Variants in CHAF1B observed in about 807,000 individuals in gnomAD.
CHAF1B encodes the protein chromatin assembly factor 1 subunit B.
CHAF1B carries 10 observed loss-of-function variants against 60.7 expected under a neutral mutation model. That is an observed-to-expected ratio of 0.16 (90% CI 0.10 to 0.28). The LOEUF (loss-of-function observed/expected upper bound fraction) is 0.28, where lower values mean the gene tolerates loss of function less well. Ranked by LOEUF, CHAF1B falls within the 10% of genes least tolerant of loss-of-function variation. The pLI is 1.00. For synonymous variants in CHAF1B, 261 were observed against 266.1 expected, an observed-to-expected ratio of 0.98 and a Z score of 0.19; for missense variants, 558 against 708.4, an observed-to-expected ratio of 0.79 and a Z score of 2.41.
At position 36,413,408 on chromosome 21, in the gene CHAF1B, G is replaced by A. The variant is rs529812113; in HGVS notation, c.1493+93G>A. ...CCTGCTGCAGGTGAAATTTCAGGCGGTGAATGCTTCATGCCAGTAGGTTGC... is the reference window on the plus strand; with the variant it reads ...CCTGCTGCAGGTGAAATTTCAGGCGATGAATGCTTCATGCCAGTAGGTTGC... On this transcript the variant is annotated intron_variant, in intron 12 of 13. Coordinates refer to ENST00000314103, the MANE Select transcript of CHAF1B (RefSeq NM_005441.3). 586 of 1,243,220 alleles carry A rather than the reference G, an allele frequency of 4.7e-4. 1 individual carries two copies. Among genetic ancestry groups the A allele is most frequent in the Non-Finnish European group, 4.4e-4 (403 of 910,410 alleles). 77.0% of individuals were successfully genotyped at this position (1,243,220 alleles called of 1,614,324 possible).
At position 36,415,392 on chromosome 21, in the gene CHAF1B, A is replaced by G. The variant is rs548334311; in HGVS notation, c.1588+3A>G. On this transcript the variant is annotated splice_donor_region_variant and intron_variant, in intron 13 of 13. Coordinates refer to ENST00000314103, the MANE Select transcript of CHAF1B (RefSeq NM_005441.3). ...TTCTACAGAAGAAATTCAGTCAGGT[A>G]AGTAATATTGTTACTGGTTTAATAT... 6.5e-6 allele frequency: 10 copies of G among 1,547,348 alleles called. No individual in the cohort carries two copies. Among genetic ancestry groups the G allele is most frequent in the South Asian group, 4.5e-5 (4 of 89,736 alleles).
Position 36,412,020 on chromosome 21 carries a change from G to A in CHAF1B, c.1061+416G>A, listed in dbSNP as rs562404925. Among the ~76,000 whole-genome samples the A allele has an allele frequency of 1.1e-4, 17 of 151,896 alleles. No individual in the cohort carries two copies. In the South Asian group the frequency reaches 2.9e-3, roughly 26 times the overall value. On this transcript the variant is annotated intron_variant, in intron 11 of 13. Transcript: ENST00000314103. ...TGGGATTACAGGCGTGAGCCACCAC[G>A]CCCGGCCCCAATTTTGTTTTTTAAA...
At chr21:36,387,788 T>C (rs2086046551) in intron 3 of CHAF1B, 58 bp downstream of exon 3, 7 of 1,585,264 alleles carry the variant, frequency 4.4e-6, no homozygotes, top group Non-Finnish European at 6.1e-6. Flanking sequence ...CTGTGTGTCT[T>C]GTGTCAGATA....
intron 6 of CHAF1B, among the ~76,000 whole-genome samples, chr21:36,399,303 C>T (rs185336082): frequency 4.6e-5 from 7 of 152,050 alleles, no homozygotes; most frequent in East Asian, 1.9e-4. Context: ...CCCAAAGTGT[C>T]GGGATTACAG....
chr21:36,395,867 G>A (rs1303696163), intron 5 of CHAF1B, among the ~76,000 whole-genome samples: 1 of 152,132 alleles, frequency 6.6e-6, no homozygotes, highest in African/African-American at 2.4e-5. Flanking sequence ...ACCTGGGTAG[G>A]GCAGTTGTTG....
intron 6 of CHAF1B, among the ~76,000 whole-genome samples, chr21:36,398,617 C>T (rs1290383650): frequency 6.6e-6 from 1 of 152,094 alleles, no homozygotes; most frequent in Admixed American, 6.5e-5. Flanking sequence ...GCGTTGGCCT[C>T]CCAAAGTGCT....
rs1256974879 is a variant in CHAF1B, at chr21:36,386,178, G to A, written c.42G>A (p.Glu14=). 1.2e-6 allele frequency: 2 copies of A among 1,614,104 alleles called. No individual in the cohort carries two copies. Among genetic ancestry groups the A allele is most frequent in the Non-Finnish European group, 1.7e-6 (2 of 1,180,036 alleles). ...ITCEIAWHNK[E]PVYSLDFQHG... ...GTGAAATAGCCTGGCACAACAAGGA[G>A]CCCGTGTACAGCCTGGACTTCCAGC... The change falls in exon 2 of 14, where the codon GAG becomes GAA. Residue 14 remains glutamate, a synonymous_variant. Transcript: ENST00000314103.
At chr21:36,394,275 C>T (rs1318420372) in intron 4 of CHAF1B, among the ~76,000 whole-genome samples, 1 of 152,064 alleles carries the variant, frequency 6.6e-6, no homozygotes, top group South Asian at 2.1e-4. Context: ...CGTGGTTTCA[C>T]CATGTTGGCC....
At chr21:36,405,221 ATAGGATTGTAT>A (rs2086228577) in intron 8 of CHAF1B, among the ~76,000 whole-genome samples, 1 of 152,244 alleles carries the variant, frequency 6.6e-6, no homozygotes. Flanking sequence ...AAAAACTGCA[ATAGGATTGTAT>A]TTCTAGAAAA....
chr21:36,385,714 G>T (rs1055653392), intron 1 of CHAF1B, among the ~76,000 whole-genome samples: 9 of 151,874 alleles, frequency 5.9e-5, no homozygotes, highest in Non-Finnish European at 1.0e-4. Context: ...ACCCCGTTTG[G>T]CCCCCTCTTC....
At chr21:36,399,657 G>T in intron 7 of CHAF1B, 52 bp downstream of exon 7, 1 of 1,444,414 alleles carries the variant, frequency 6.9e-7, no homozygotes, top group South Asian at 1.1e-5. Context: ...TGAGACTTAG[G>T]AAGTCATGAG....
intron 7 of CHAF1B, 149 bp from the exon 8 acceptor site, chr21:36,402,609 A>C: frequency 1.6e-6 from 1 of 640,706 alleles, no homozygotes; most frequent in South Asian, 1.9e-5. Context: ...TTATGTCAAC[A>C]ATAAATGACA....
At chr21:36,411,823 G>A (rs2086280484) in intron 11 of CHAF1B, among the ~76,000 whole-genome samples, 1 of 152,132 alleles carries the variant, frequency 6.6e-6, no homozygotes, top group South Asian at 2.1e-4. Context: ...CCACCTCCCA[G>A]GTTCAAGTGA....
chr21:36,394,585 C>T lies in CHAF1B; in HGVS notation c.416C>T (p.Thr139Ile), dbSNP rs1212465298. The change falls in exon 5 of 14, where the codon ACT becomes ATT. Residue 139 changes from threonine to isoleucine, a missense_variant. Physicochemically the swap from Thr to Ile is moderately conservative, Grantham distance 89. This residue lies in a region of CHAF1B where 325 missense variants were observed against 493.5 expected (regional missense o/e 0.66). Coordinates refer to ENST00000314103, the MANE Select transcript of CHAF1B (RefSeq NM_005441.3). ...GATGTGTATGATATTTGCTGGGCAA[C>T]TGATGGGAATTTAATGGCTTCTGCC... Reference protein sequence around the residue: ...LEDVYDICWATDGNLMASASV... With the variant: ...LEDVYDICWAIDGNLMASASV... The T allele has an allele frequency of 1.9e-6, 3 of 1,613,714 alleles. No individual in the cohort carries two copies. The African/African-American group carries it at 4.0e-5, about 22-fold the overall frequency.
Position 36,399,711 on chromosome 21 carries a change from C to T in CHAF1B, c.663+106C>T, listed in dbSNP as rs532784461. The T allele has an allele frequency of 3.5e-3, 3,074 of 865,964 alleles. 13 individuals carry two copies. Among genetic ancestry groups the T allele is most frequent in the Non-Finnish European group, 5.0e-3 (2,638 of 525,230 alleles). 53.6% of individuals were successfully genotyped at this position (865,964 alleles called of 1,614,324 possible). A position where few individuals can be genotyped will look rare whatever the true frequency, so the allele number is the denominator to read the frequency against. ...AGCCAAATCACTGGCCACAAAGAGCCGATTCCAGAACTACAATAAGGCTTC... is the reference window on the plus strand; with the variant it reads ...AGCCAAATCACTGGCCACAAAGAGCTGATTCCAGAACTACAATAAGGCTTC... On this transcript the variant is annotated intron_variant, in intron 7 of 13. Transcript: ENST00000314103.
rs1205338335 is a variant in CHAF1B, at chr21:36,386,186, A to G, written c.50A>G (p.Tyr17Cys). 6.2e-7 allele frequency: 1 copy of G among 1,614,204 alleles called. No homozygotes were observed. Among genetic ancestry groups the G allele is most frequent in the South Asian group, 1.1e-5 (1 of 91,088 alleles). Reference sequence around the variant, plus strand: ...GCCTGGCACAACAAGGAGCCCGTGTACAGCCTGGACTTCCAGCATGGGACG... The same window carrying G: ...GCCTGGCACAACAAGGAGCCCGTGTGCAGCCTGGACTTCCAGCATGGGACG... ...EIAWHNKEPVYSLDFQHGTAG... is the reference protein window; with the variant it reads ...EIAWHNKEPVCSLDFQHGTAG... The change falls in exon 2 of 14, where the codon TAC becomes TGC. Residue 17 changes from tyrosine to cysteine, a missense_variant. By Grantham distance (194) the Tyr-to-Cys change is radical (BLOSUM62 -2). Transcript: ENST00000314103.
At chr21:36,397,316 G>A (rs550135041) in intron 5 of CHAF1B, 99 bp from the exon 6 acceptor site, 2 of 496,334 alleles carry the variant, frequency 4.0e-6, no homozygotes, top group African/African-American at 2.0e-5. Flanking sequence ...AGTGATGCGT[G>A]GTAAAGGGAA....
In CHAF1B at chr21:36,413,138, A is replaced by T; in HGVS notation, c.1316A>T (p.Gln439Leu). Residue 439 changes from glutamine (Q) to leucine (L), a missense_variant, in exon 12 of 14, where the codon CAG becomes CTG. Gln to Leu is a moderately radical substitution (Grantham distance 113, BLOSUM62 -2). Transcript: ENST00000314103. ...GGCACGACTCCCCCTCAGGCCAGAC[A>T]GGCCCCAGCCCCAACAGTCATCAGG... ...SPGTTPPQARQAPAPTVIRDP... is the reference protein window; with the variant it reads ...SPGTTPPQARLAPAPTVIRDP... 1.9e-6 allele frequency: 3 copies of T among 1,614,026 alleles called. No individual in the cohort carries two copies. The highest frequency in any genetic ancestry group is 2.5e-6 in the Non-Finnish European group (3 of 1,179,988).
intron 12 of CHAF1B, 119 bp downstream of exon 12, chr21:36,413,434 C>A: frequency 1.1e-6 from 1 of 929,730 alleles, no homozygotes; most frequent in Non-Finnish European, 1.6e-6. Context: ...AGTAGGTTGC[C>A]AGAGAGATTC....
Sources: gnomAD v4.1 joint callset for allele counts (sites outside exome capture counted in the v4.1 genomes callset) on GRCh38, gnomAD v4.1.1 for gene constraint, gnomAD v4.1.1 regional missense constraint, MANE v1.5 for transcripts, NCBI Gene and HGNC (gene_info 2026-07-23, HGNC 2026-07-21) for gene names.